ABL1: variants seen among roughly 807,000 people sequenced by gnomAD.
ABL1 encodes the protein tyrosine-protein kinase ABL1.
ABL1 carries 11 observed loss-of-function variants against 94.7 expected under a neutral mutation model. The ratio of observed to expected loss-of-function variants is 0.12; its 90% CI spans 0.07 to 0.19. The LOEUF (loss-of-function observed/expected upper bound fraction) is 0.19, where lower values mean the gene tolerates loss of function less well. ABL1 is among the 10% of genes least tolerant of loss of function. The pLI, the probability that ABL1 is intolerant of heterozygous loss-of-function variation, is 1.00. For missense variants in ABL1, 1,082 were observed against 1,489.4 expected, an observed-to-expected ratio of 0.73 and a Z score of 4.50; for synonymous variants, 656 against 622.4, an observed-to-expected ratio of 1.05 and a Z score of -0.80.
Position 130,885,608 on chromosome 9 carries a change from T to C in ABL1, c.3318T>C (p.Ser1106=), listed in dbSNP as rs1455105939. Reference sequence around the variant, plus strand: ...AGATCTGCCCGGCGACAGCAGGCAGTGGTCCAGCGGCCACTCAGGACTTCA... The same window carrying C: ...AGATCTGCCCGGCGACAGCAGGCAGCGGTCCAGCGGCCACTCAGGACTTCA... ...ELQICPATAG[S]GPAATQDFSK... The change falls in exon 11 of 11, where the codon AGT becomes AGC. Residue 1106 remains serine (S), a synonymous_variant. Transcript: ENST00000318560. 6.2e-7 allele frequency: 1 copy of C among 1,613,542 alleles called. No homozygotes were observed. The highest frequency in any genetic ancestry group is 1.1e-5 in the South Asian group (1 of 91,070).
chr9:130,768,558 T>G (rs1212487483), intron 1 of ABL1, among the ~76,000 whole-genome samples: 1 of 152,166 alleles, frequency 6.6e-6, no homozygotes, highest in Non-Finnish European at 1.5e-5. Context: ...TGCACTGGTC[T>G]GGGGGATGTT....
chr9:130,872,169 C>T lies in ABL1; in HGVS notation c.863C>T (p.Ala288Val), dbSNP rs1831261494. Reference protein sequence around the residue: ...MEVEEFLKEAAVMKEIKHPNL... With the variant: ...MEVEEFLKEAVVMKEIKHPNL... ...GTGGAAGAGTTCTTGAAAGAAGCTG[C>T]AGTCATGAAAGAGATCAAACACCCT... The change falls in exon 5 of 11, where the codon GCA becomes GTA. Residue 288 changes from alanine to valine, a missense_variant. Ala to Val is a moderately conservative substitution (Grantham distance 64, BLOSUM62 0). Around this residue, in one of 7 missense-constraint regions of ABL1, gnomAD observed 92 missense variants for 212.3 expected, o/e 0.43. Transcript: ENST00000318560. The surrounding 1 kb of genome is among the most constrained non-coding windows in gnomAD (Gnocchi z 5.0). 6.2e-7 allele frequency: 1 copy of T among 1,614,172 alleles called. No individual in the cohort carries two copies. Among genetic ancestry groups the T allele is most frequent in the Non-Finnish European group, 8.5e-7 (1 of 1,180,004 alleles).
At chr9:130,879,311 TTTCCACGTCCATATA>T (rs1212201157) in intron 8 of ABL1, among the ~76,000 whole-genome samples, 2 of 152,236 alleles carry the variant, frequency 1.3e-5, no homozygotes, top group East Asian at 3.8e-4. Flanking sequence ...CACACATGTC[TTTCCACGTCCATATA>T]TTCAGATCTC....
intron 1 of ABL1, among the ~76,000 whole-genome samples, chr9:130,851,010 G>A (rs538592850): frequency 9.3e-4 from 141 of 151,814 alleles, no homozygotes; most frequent in African/African-American, 2.9e-3. Context: ...TGCAAGCTCC[G>A]CCTCCCGGGT....
At position 130,877,265 on chromosome 9, in the gene ABL1, A is replaced by G. The variant is rs1831362482; in HGVS notation, c.1271-1150A>G. The stretch of plus-strand genomic sequence containing the variant: ...CTATTGCAGGTTCATTCTGTGCCCC[A>G]GGCCTGAATCACCCATTTCTCTAAG... On this transcript the variant is annotated intron_variant, in intron 7 of 10. Coordinates refer to ENST00000318560, the MANE Select transcript of ABL1 (RefSeq NM_005157.6). Among the ~76,000 whole-genome samples the G allele has an allele frequency of 1.3e-5, 2 of 148,458 alleles. 1 individual carries two copies. Among genetic ancestry groups the G allele is most frequent in the African/African-American group, 5.1e-5 (2 of 38,862 alleles).
intron 1 of ABL1, among the ~76,000 whole-genome samples, chr9:130,785,568 A>G (rs1829815101): frequency 6.6e-6 from 1 of 152,084 alleles, no homozygotes; most frequent in South Asian, 2.1e-4. Context: ...TCTAAGTAGT[A>G]GACACTTTGT....
chr9:130,755,698 G>A (rs1430707600), intron 1 of ABL1, among the ~76,000 whole-genome samples: 1 of 152,116 alleles, frequency 6.6e-6, no homozygotes, highest in African/African-American at 2.4e-5. Flanking sequence ...TTCCATCTTG[G>A]AAAAACCAGA....
rs920941642 is a variant in ABL1 at position 130,838,335 on chromosome 9, T to A, written c.79+2810T>A. Among the ~76,000 whole-genome samples the A allele has an allele frequency of 3.9e-5, 6 of 152,178 alleles. No individual in the cohort carries two copies. The South Asian group carries it at 1.2e-3, about 32-fold the overall frequency. On this transcript the variant is annotated intron_variant, in intron 1 of 10. Coordinates refer to ENST00000318560, the MANE Select transcript of ABL1 (RefSeq NM_005157.6). ...TATCTCCAGAAACTCCTCCAATTAA[T>A]CCCTGAAATGTAAGGGTAGTCTCTT...
chr9:130,879,382 T>C (rs565104130), intron 8 of ABL1, among the ~76,000 whole-genome samples: 3 of 152,354 alleles, frequency 2.0e-5, no homozygotes, highest in Admixed American at 2.0e-4. Flanking sequence ...CAGTACTCCA[T>C]TTCACTCATT....
At chr9:130,847,757 C>T (rs964268819) in intron 1 of ABL1, among the ~76,000 whole-genome samples, 7 of 152,272 alleles carry the variant, frequency 4.6e-5, no homozygotes, top group East Asian at 1.9e-4. Flanking sequence ...TGCCTTGGAT[C>T]GCCTGACGTC....
chr9:130,857,906 C>T lies in ABL1; in HGVS notation c.549+2810C>T, dbSNP rs537061928. Among the ~76,000 whole-genome samples, 15 of 152,152 alleles carry T rather than the reference C, an allele frequency of 9.9e-5. No individual in the cohort carries two copies. In the South Asian group the frequency reaches 3.1e-3, roughly 32 times the overall value. On this transcript the variant is annotated intron_variant, in intron 3 of 10. Coordinates refer to ENST00000318560, the MANE Select transcript of ABL1 (RefSeq NM_005157.6). ...TGTTCTTATCCCAGAGGTGGAGCTG[C>T]GTTCTTCCATTCTGAGGGACGTACT... is the stretch of plus-strand genomic sequence containing the variant.
chr9:130,816,154 A>C (rs1830283737), intron 1 of ABL1, among the ~76,000 whole-genome samples: 1 of 151,962 alleles, frequency 6.6e-6, no homozygotes, highest in African/African-American at 2.4e-5. Context: ...TGTTCCTTCC[A>C]CATTGGCCTC....
At chr9:130,874,378 C>T (rs1168851425) in intron 6 of ABL1, among the ~76,000 whole-genome samples, 2 of 152,150 alleles carry the variant, frequency 1.3e-5, no homozygotes, top group Non-Finnish European at 2.9e-5. Flanking sequence ...TTTATTTTGT[C>T]CCATCAAGTC....
intron 1 of ABL1, among the ~76,000 whole-genome samples, chr9:130,841,372 C>T (rs986864230): frequency 7.3e-5 from 11 of 151,570 alleles, no homozygotes; most frequent in South Asian, 4.2e-4. Flanking sequence ...CTCCCAAAGC[C>T]CTGGGATTAC....
intron 1 of ABL1, among the ~76,000 whole-genome samples, chr9:130,803,135 G>T (rs552252810): frequency 3.3e-5 from 5 of 152,300 alleles, no homozygotes; most frequent in South Asian, 2.1e-4. Flanking sequence ...TACCTCCCGG[G>T]TTCAAGCGAT....
At chr9:130,831,116 G>C (rs1448141760), upstream of ABL1, among the ~76,000 whole-genome samples, 1 of 152,214 alleles carries the variant, frequency 6.6e-6, no homozygotes, top group Admixed American at 6.5e-5. Context: ...AGTGGGCTTT[G>C]TTGGCATTTG....
chr9:130,721,967 A>C (rs1455553609), intron 1 of ABL1, among the ~76,000 whole-genome samples: 2 of 151,286 alleles, frequency 1.3e-5, no homozygotes, highest in Non-Finnish European at 2.9e-5. Context: ...TATTTTTATT[A>C]GAGACGGGGT....
upstream of ABL1, chr9:130,835,235 C>A: frequency 6.5e-6 from 1 of 153,532 alleles, no homozygotes; most frequent in South Asian, 1.7e-4. The surrounding 1 kb of genome is among the most constrained non-coding windows in gnomAD (Gnocchi z 4.6). Context: ...GCCTGGCGGG[C>A]GCCCTCTCCG....
intron 1 of ABL1, among the ~76,000 whole-genome samples, chr9:130,796,866 G>A (rs1216867134): frequency 1.4e-5 from 2 of 145,822 alleles, no homozygotes; most frequent in African/African-American, 2.6e-5. Flanking sequence ...GTTGCGGTGA[G>A]CTGAGATCAC....
Sources: gnomAD v4.1 joint callset for allele counts (sites outside exome capture counted in the v4.1 genomes callset) on GRCh38, gnomAD v4.1.1 for gene constraint, gnomAD v4.1.1 regional missense constraint, Gnocchi (gnomAD v3.1) non-coding constraint, MANE v1.5 for transcripts, NCBI Gene and HGNC (gene_info 2026-07-23, HGNC 2026-07-21) for gene names.